The following ARIH2 variants were observed in gnomAD, a reference collection of about 807,000 sequenced individuals.
ARIH2 encodes E3 ubiquitin-protein ligase ARIH2.
ARIH2 carries 12 observed loss-of-function variants against 79.8 expected under a neutral mutation model. The ratio of observed to expected loss-of-function variants is 0.15; its 90% confidence interval spans 0.10 to 0.24. The LOEUF is 0.24. ARIH2 is among the 10% of genes least tolerant of loss of function. The pLI is 1.00. For missense variants in ARIH2, 301 were observed against 618.3 expected, an observed-to-expected ratio of 0.49 and a Z score of 5.44; for synonymous variants, 224 against 213.9, an observed-to-expected ratio of 1.05 and a Z score of -0.41.
chr3:48,979,663 C>G, intron 12 of ARIH2, 30 bp downstream of exon 12: 1 of 1,611,018 alleles, frequency 6.2e-7, no homozygotes, highest in South Asian at 1.1e-5. Context: ...CCTTCCCCTA[C>G]AGGGTAGGCT....
At chr3:48,967,751 ATAATGT>A (rs1396591326) in intron 6 of ARIH2, among the ~76,000 whole-genome samples, 1 of 152,234 alleles carries the variant, frequency 6.6e-6, no homozygotes, top group Admixed American at 6.5e-5. Context: ...TCACCTCTAA[ATAATGT>A]TAAACATCAC....
At chr3:48,935,886 G>A (rs2087038801) in intron 3 of ARIH2, among the ~76,000 whole-genome samples, 1 of 152,148 alleles carries the variant, frequency 6.6e-6, no homozygotes. Flanking sequence ...ATGTATTGCT[G>A]ACTGGTGCGT....
chr3:48,983,296 A>T lies in ARIH2; in HGVS notation c.*26A>T, dbSNP rs2092815960. On this transcript the variant is annotated 3_prime_UTR_variant, in exon 16 of 16. Transcript: ENST00000356401. ...GTTGGGATGTGGATGTGCCGGGGTG[A>T]GGAAGATGTGGCTGCAAGGTCTCCC... The T allele has an allele frequency of 6.2e-7, 1 of 1,613,070 alleles. No homozygotes were observed. The highest frequency in any genetic ancestry group is 1.3e-5 in the African/African-American group (1 of 74,930).
intron 3 of ARIH2, among the ~76,000 whole-genome samples, chr3:48,952,043 T>C (rs2090026373): frequency 1.3e-5 from 2 of 152,202 alleles, no homozygotes; most frequent in African/African-American, 2.4e-5. Context: ...CTTTATGTCA[T>C]TGATTTTTGG....
chr3:48,978,509 G>T (rs2107679116), intron 11 of ARIH2, among the ~76,000 whole-genome samples: 1 of 141,114 alleles, frequency 7.1e-6, no homozygotes. Context: ...GTAGAGACGG[G>T]TGTTTCACCA....
At chr3:48,919,295 G>A in intron 1 of ARIH2, 2 of 1,000,112 alleles carry the variant, frequency 2.0e-6, no homozygotes, top group Non-Finnish European at 2.6e-6. Context: ...CTGGCGCGGC[G>A]GGGAAACGCG....
intron 6 of ARIH2, chr3:48,968,070 T>C: frequency 6.4e-6 from 1 of 155,312 alleles, no homozygotes; most frequent in Non-Finnish European, 1.4e-5. Flanking sequence ...GTTTCGCTCT[T>C]GTTGCCCAGG....
chr3:48,934,917 A>G, intron 3 of ARIH2: 1 of 985,190 alleles, frequency 1.0e-6, no homozygotes, highest in Non-Finnish European at 1.2e-6. Context: ...TACCTCAGGA[A>G]ACATGGAAGT....
Position 48,927,595 on chromosome 3 carries a change from AATGAAGAGGACT to A in ARIH2, c.42_53del (p.Glu14_Tyr17del). 1 of 1,614,128 alleles carries A rather than the reference AATGAAGAGGACT, an allele frequency of 6.2e-7. No individual in the cohort carries two copies. Among genetic ancestry groups the A allele is most frequent in the Non-Finnish European group, 8.5e-7 (1 of 1,179,998 alleles). Reference sequence around the variant, plus strand: ...CATGAATAGCCAGGGGTCTGACAGCAATGAAGAGGACTATGACCCAAATTGTGAGGAAGAGGA... The same window carrying A: ...CATGAATAGCCAGGGGTCTGACAGCAATGACCCAAATTGTGAGGAAGAGGA... On this transcript the variant is annotated inframe_deletion, in exon 3 of 16. Coordinates refer to ENST00000356401, the MANE Select transcript of ARIH2 (RefSeq NM_006321.4).
At chr3:48,959,680 A>G (rs1258248503) in intron 3 of ARIH2, among the ~76,000 whole-genome samples, 3 of 151,482 alleles carry the variant, frequency 2.0e-5, no homozygotes, top group Admixed American at 6.6e-5. Flanking sequence ...AAAAAAGAAA[A>G]GAAAATACAG....
intron 3 of ARIH2, among the ~76,000 whole-genome samples, chr3:48,942,793 A>G (rs1159882941): frequency 6.6e-6 from 1 of 151,982 alleles, no homozygotes; most frequent in Non-Finnish European, 1.5e-5. Flanking sequence ...CTGGGATTAC[A>G]TGCACGTGCC....
chr3:48,970,968 AGATTGTGTGG>A, intron 8 of ARIH2: 2 of 336,092 alleles, frequency 6.0e-6, no homozygotes, highest in East Asian at 5.9e-5. Flanking sequence ...CATGGCCCAG[AGATTGTGTGG>A]GATGTATCTG....
At chr3:48,959,096 C>A (rs2090950467) in intron 3 of ARIH2, among the ~76,000 whole-genome samples, 1 of 151,930 alleles carries the variant, frequency 6.6e-6, no homozygotes, top group Admixed American at 6.6e-5. Flanking sequence ...GCGGGTGGAT[C>A]ACGAGGTCAG....
chr3:48,960,063 T>G (rs1467849932), intron 3 of ARIH2, among the ~76,000 whole-genome samples: 1 of 152,210 alleles, frequency 6.6e-6, no homozygotes. Flanking sequence ...CTGTGTGTTT[T>G]CTTGTCTCTC....
At chr3:48,931,699 G>C (rs1318575220) in intron 3 of ARIH2, among the ~76,000 whole-genome samples, 1 of 152,030 alleles carries the variant, frequency 6.6e-6, no homozygotes, top group Non-Finnish European at 1.5e-5. Flanking sequence ...TGAGTTAGCT[G>C]AGTAAAGTGT....
Position 48,954,099 on chromosome 3 carries a change from T to G in ARIH2, c.256-7513T>G, listed in dbSNP as rs938931409. On this transcript the variant is annotated intron_variant, in intron 3 of 15. Coordinates refer to ENST00000356401, the MANE Select transcript of ARIH2 (RefSeq NM_006321.4). The stretch of plus-strand genomic sequence containing the variant: ...TCGCTTGAACCTGGGAGGCGGAGGT[T>G]GCAGTGAACCAAGATCGCGCCATTG... 8.6e-5 allele frequency among the ~76,000 whole-genome samples: 13 copies of G among 151,896 alleles called. No individual in the cohort carries two copies. In the Middle Eastern group the frequency reaches 0.017, roughly 199 times the overall value.
chr3:48,983,386 T>C lies in ARIH2; in HGVS notation c.*116T>C. 1.1e-6 allele frequency: 1 copy of C among 937,556 alleles called. No individual in the cohort carries two copies. The highest frequency in any genetic ancestry group is 1.7e-6 in the Non-Finnish European group (1 of 582,186). The allele number at this position is 937,556 out of a possible 1,614,324, so 58.1% of individuals were successfully genotyped here. A position where few individuals can be genotyped will look rare whatever the true frequency, so the allele number is the denominator to read the frequency against. ...CCCCAGGCAACAGCCAGGGCCCCAC[T>C]CCTGAGAGACACTGGCAACACCTCT... On this transcript the variant is annotated 3_prime_UTR_variant, in exon 16 of 16. Transcript: ENST00000356401.
chr3:48,947,355 C>T (rs1358300690), intron 3 of ARIH2, among the ~76,000 whole-genome samples: 6 of 150,676 alleles, frequency 4.0e-5, no homozygotes, highest in African/African-American at 7.3e-5. Context: ...GCAGGAGAAT[C>T]GCTTGAACCT....
At position 48,979,648 on chromosome 3, in the gene ARIH2, C is replaced by T. The variant is rs763866738; in HGVS notation, c.1113+15C>T. 3 of 1,612,988 alleles carry T rather than the reference C, an allele frequency of 1.9e-6. No individual in the cohort carries two copies. The highest frequency in any genetic ancestry group is 1.7e-6 in the Non-Finnish European group (2 of 1,179,654). ...ACTTTGAGAGGGTAGGTGTCCTCTC[C>T]TGTACCTTCCCCTACAGGGTAGGCT... On this transcript the variant is annotated intron_variant, in intron 12 of 15. Transcript: ENST00000356401.
Sources: allele counts gnomAD v4.1 joint callset (sites outside exome capture counted in the v4.1 genomes callset), GRCh38; gene constraint gnomAD v4.1.1; transcripts MANE v1.5; gene names NCBI Gene and HGNC (gene_info 2026-07-23, HGNC 2026-07-21).